The following LPP variants were observed in gnomAD, a reference collection of about 807,000 sequenced individuals.
LPP encodes LIM domain containing preferred translocation partner in lipoma, also known as lipoma-preferred partner.
Under a neutral mutation model 60.4 loss-of-function variants are expected in LPP, and 38 were observed. That is an observed-to-expected ratio of 0.63 (90% CI 0.49 to 0.83). The LOEUF is 0.83. Among genes scored for constraint, LPP ranks in the 40% least tolerant of loss-of-function variants. LPP has a pLI of 0.00. For synonymous variants in LPP, 328 were observed against 290.8 expected, an observed-to-expected ratio of 1.13 and a Z score of -1.30; for missense variants, 902 against 783.6, an observed-to-expected ratio of 1.15 and a Z score of -1.80.
At chr3:188,355,383 T>G (rs954586630) in intron 3 of LPP, among the ~76,000 whole-genome samples, 4 of 152,150 alleles carry the variant, frequency 2.6e-5, no homozygotes, top group African/African-American at 9.7e-5. Context: ...AACGCCCTGG[T>G]AAAATCACTT....
intron 8 of LPP, chr3:188,710,509 A>T (rs1866421552): frequency 6.6e-6 from 1 of 152,206 alleles, no homozygotes; most frequent in Admixed American, 6.5e-5. Context: ...ATTGATGGAG[A>T]TTAACAACAA....
At chr3:188,397,456 A>G (rs777067555) in intron 3 of LPP, among the ~76,000 whole-genome samples, 9 of 152,074 alleles carry the variant, frequency 5.9e-5, no homozygotes, top group Non-Finnish European at 1.3e-4. Flanking sequence ...AAGGCCACTT[A>G]GTCAGTATTT....
intron 6 of LPP, among the ~76,000 whole-genome samples, chr3:188,591,882 T>G (rs1228033611): frequency 6.6e-6 from 1 of 152,228 alleles, no homozygotes; most frequent in Non-Finnish European, 1.5e-5. Flanking sequence ...AGGGTTTAAC[T>G]GTGAGGTACT....
At chr3:188,549,966 G>C (rs35326645) in intron 6 of LPP, among the ~76,000 whole-genome samples, 65,739 of 151,936 alleles carry the variant, frequency 0.43, 15,303 homozygotes, top group East Asian at 0.92. Context: ...AGTATAGTTT[G>C]TGACCTCTGT....
chr3:188,826,140 G>A (rs1315149099), intron 9 of LPP, among the ~76,000 whole-genome samples: 1 of 152,162 alleles, frequency 6.6e-6, no homozygotes, highest in Admixed American at 6.5e-5. Context: ...AACTGGAGAG[G>A]ACAGTCTACT....
At chr3:188,529,421 C>G (rs779032398) in intron 6 of LPP, among the ~76,000 whole-genome samples, 1 of 152,132 alleles carries the variant, frequency 6.6e-6, no homozygotes, top group African/African-American at 2.4e-5. Flanking sequence ...GTGTTGTAAG[C>G]TTTTTTGAAT....
intron 8 of LPP, among the ~76,000 whole-genome samples, chr3:188,713,327 A>C (rs990136840): frequency 6.6e-6 from 1 of 152,204 alleles, no homozygotes; most frequent in Non-Finnish European, 1.5e-5. Context: ...ATTCTAGATT[A>C]AAGGAAATTG....
intron 4 of LPP, among the ~76,000 whole-genome samples, chr3:188,454,294 C>T (rs1009790534): frequency 3.3e-5 from 5 of 152,230 alleles, no homozygotes; most frequent in African/African-American, 1.2e-4. Context: ...AAACTACTGG[C>T]TTTCTCAGTT....
intron 6 of LPP, among the ~76,000 whole-genome samples, chr3:188,550,369 G>C (rs1428825149): frequency 2.0e-5 from 3 of 151,976 alleles, no homozygotes; most frequent in African/African-American, 7.3e-5. Flanking sequence ...ACAAGGTCAG[G>C]AGATCGAGAC....
intron 2 of LPP, among the ~76,000 whole-genome samples, chr3:188,301,990 A>C (rs1750028917): frequency 2.0e-5 from 3 of 151,266 alleles, no homozygotes; most frequent in East Asian, 3.9e-4. Flanking sequence ...GAAAAAAAAA[A>C]CAACAACCCA....
chr3:188,669,725 T>C (rs1856574360), intron 7 of LPP, among the ~76,000 whole-genome samples: 3 of 152,182 alleles, frequency 2.0e-5, no homozygotes, highest in Admixed American at 6.5e-5. Flanking sequence ...GAACTAGAAA[T>C]ACCATTTGGC....
chr3:188,267,981 T>C (rs1736191999), intron 2 of LPP, among the ~76,000 whole-genome samples: 1 of 151,646 alleles, frequency 6.6e-6, no homozygotes, highest in African/African-American at 2.4e-5. Context: ...GGAACACTTA[T>C]GAGAGGAATC....
At chr3:188,243,723 G>A (rs1297856338) in intron 2 of LPP, among the ~76,000 whole-genome samples, 1 of 152,076 alleles carries the variant, frequency 6.6e-6, no homozygotes, top group Non-Finnish European at 1.5e-5. Context: ...CAGGTGCTGT[G>A]TAACTGGTGC....
At chr3:188,180,973 C>T (rs1307576842) in intron 1 of LPP, among the ~76,000 whole-genome samples, 1 of 152,048 alleles carries the variant, frequency 6.6e-6, no homozygotes. Context: ...ATTTGAAATG[C>T]CTTGCACAAA....
At chr3:188,601,818 C>G (rs547283769) in intron 6 of LPP, among the ~76,000 whole-genome samples, 4 of 152,050 alleles carry the variant, frequency 2.6e-5, no homozygotes, top group African/African-American at 9.6e-5. Flanking sequence ...CCTGTAATCC[C>G]AACATTTTGG....
chr3:188,256,472 A>G (rs2149634969), intron 2 of LPP, among the ~76,000 whole-genome samples: 1 of 152,350 alleles, frequency 6.6e-6, no homozygotes, highest in East Asian at 1.9e-4. Flanking sequence ...TATGACACCA[A>G]ACAGAATGAC....
intron 1 of LPP, among the ~76,000 whole-genome samples, chr3:188,203,487 T>TTTTAAATATATATAAATATATATA (rs1373754283): frequency 1.1e-3 from 71 of 67,550 alleles, no homozygotes; most frequent in Admixed American, 1.4e-3. Flanking sequence ...ATATATATAT[T>TTTTAAATATATATAAATATATATA]TTTAAATATA....
chr3:188,354,991 A>G (rs777673558), intron 3 of LPP, among the ~76,000 whole-genome samples: 2 of 152,062 alleles, frequency 1.3e-5, no homozygotes, highest in Admixed American at 1.3e-4. Context: ...ACATATGTAT[A>G]TATATATATT....
intron 2 of LPP, among the ~76,000 whole-genome samples, chr3:188,283,872 G>A (rs570210061): frequency 1.4e-3 from 209 of 152,182 alleles, no homozygotes; most frequent in African/African-American, 4.8e-3. Flanking sequence ...AGCTACTCAG[G>A]AGGCTGAGGC....
Sources: gnomAD v4.1 joint callset for allele counts (sites outside exome capture counted in the v4.1 genomes callset) on GRCh38, gnomAD v4.1.1 for gene constraint, MANE v1.5 for transcripts, NCBI Gene and HGNC (gene_info 2026-07-23, HGNC 2026-07-21) for gene names.